The following PHACTR1 variants were observed in gnomAD, a reference collection of about 807,000 sequenced individuals.
PHACTR1 encodes the protein phosphatase and actin regulator 1, also known as RPEL repeat containing 1.
In PHACTR1, 16 loss-of-function variants were observed where a neutral mutation model predicts 69.2. The ratio of observed to expected loss-of-function variants is 0.23; its 90% CI spans 0.16 to 0.35. The LOEUF (loss-of-function observed/expected upper bound fraction) is 0.35. PHACTR1 is among the 10% of genes least tolerant of loss of function. The pLI is 1.00. For synonymous variants in PHACTR1, 312 were observed against 284.5 expected (o/e 1.10, Z -0.97); for missense variants, 510 against 734.7 (o/e 0.69, Z 3.54).
chr6:13,216,949 A>G (rs182019805), intron 8 of PHACTR1, among the ~76,000 whole-genome samples: 27 of 152,324 alleles, frequency 1.8e-4, no homozygotes, highest in African/African-American at 6.3e-4. Flanking sequence ...TGTATTTTCA[A>G]AAGAAAGGGA....
chr6:13,210,303 T>C (rs1164582546), intron 8 of PHACTR1, among the ~76,000 whole-genome samples: 1 of 152,176 alleles, frequency 6.6e-6, no homozygotes, highest in Admixed American at 6.5e-5. Context: ...GTGTAAGCCA[T>C]GGCACACACC....
At chr6:13,192,337 G>A (rs1239511178) in intron 7 of PHACTR1, among the ~76,000 whole-genome samples, 1 of 152,170 alleles carries the variant, frequency 6.6e-6, no homozygotes, top group Non-Finnish European at 1.5e-5. Context: ...GGAGGAGGAG[G>A]TTGTTCTTAA....
chr6:12,913,779 C>T (rs1786666036), intron 4 of PHACTR1, among the ~76,000 whole-genome samples: 1 of 152,150 alleles, frequency 6.6e-6, no homozygotes, highest in Non-Finnish European at 1.5e-5. Flanking sequence ...AGCGATATCC[C>T]AGGTGTTCCT....
At chr6:12,812,083 C>A (rs986509712) in intron 4 of PHACTR1, among the ~76,000 whole-genome samples, 14 of 152,086 alleles carry the variant, frequency 9.2e-5, no homozygotes, top group African/African-American at 3.4e-4. Flanking sequence ...TGTGCAGACA[C>A]CATCTCTATC....
intron 2 of PHACTR1, 66 bp from the exon 3 acceptor site, chr6:12,718,633 T>A (rs1761698980): frequency 2.3e-6 from 1 of 432,482 alleles, no homozygotes; most frequent in Admixed American, 4.1e-5. Context: ...CATTTTAAAG[T>A]ACATCTATAT....
intron 10 of PHACTR1, among the ~76,000 whole-genome samples, chr6:13,235,901 T>G (rs768114919): frequency 2.6e-5 from 4 of 152,062 alleles, no homozygotes; most frequent in Non-Finnish European, 5.9e-5. Context: ...TTGGACCAGA[T>G]GAAAGAAAAA....
chr6:12,934,455 G>A (rs7739181), intron 4 of PHACTR1, among the ~76,000 whole-genome samples: 40,434 of 152,108 alleles, frequency 0.27, 6,137 homozygotes, highest in Middle Eastern at 0.36. Context: ...TGGCTCTGGA[G>A]TGATGGTTTT....
intron 10 of PHACTR1, among the ~76,000 whole-genome samples, chr6:13,243,808 A>G (rs1562057805): frequency 1.3e-5 from 2 of 151,974 alleles, no homozygotes; most frequent in South Asian, 2.1e-4. Context: ...GTCTTTGTGT[A>G]CTCAGTGTTT....
intron 4 of PHACTR1, among the ~76,000 whole-genome samples, chr6:12,850,599 C>A (rs1171747305): frequency 3.3e-5 from 5 of 152,214 alleles, no homozygotes; most frequent in Admixed American, 3.3e-4. Context: ...GTACCAAAAT[C>A]TGAGTGGCTT....
chr6:12,827,222 A>G (rs1776904795), intron 4 of PHACTR1, among the ~76,000 whole-genome samples: 1 of 152,222 alleles, frequency 6.6e-6, no homozygotes, highest in Admixed American at 6.5e-5. Context: ...AATAGCTGCT[A>G]TAACTTCACC....
chr6:12,914,871 C>T (rs1297987908), intron 4 of PHACTR1, among the ~76,000 whole-genome samples: 1 of 152,220 alleles, frequency 6.6e-6, no homozygotes, highest in Non-Finnish European at 1.5e-5. Flanking sequence ...TTCAGGTCCA[C>T]TGGAGAAAGT....
intron 4 of PHACTR1, among the ~76,000 whole-genome samples, chr6:13,007,818 C>G (rs1305594247): frequency 1.3e-5 from 2 of 152,100 alleles, no homozygotes; most frequent in African/African-American, 4.8e-5. Context: ...ACCTCTTTCT[C>G]CACCTGTTTT....
At position 12,930,912 on chromosome 6, in the gene PHACTR1, A is replaced by G. The variant is rs143972246; in HGVS notation, c.251-122453A>G. Among the ~76,000 whole-genome samples the G allele has an allele frequency of 4.2e-3, 625 of 148,758 alleles. 3 individuals are homozygous for G. Among genetic ancestry groups the G allele is most frequent in the African/African-American group, 0.014 (582 of 40,702 alleles). On this transcript the variant is annotated intron_variant, in intron 4 of 14. Transcript: ENST00000332995. ...CTAAAAATACAAAAATTAGCTGGGC[A>G]TGGTGGCACATGCCTGTAATCCCAG...
At chr6:13,081,660 CA>C (rs1042123488) in intron 5 of PHACTR1, among the ~76,000 whole-genome samples, 4 of 151,198 alleles carry the variant, frequency 2.6e-5, no homozygotes, top group East Asian at 3.9e-4. Context: ...CCATCTCTAA[CA>C]AAAAAAAATT....
intron 4 of PHACTR1, among the ~76,000 whole-genome samples, chr6:12,995,210 A>C (rs1166669030): frequency 2.6e-5 from 4 of 152,046 alleles, no homozygotes; most frequent in African/African-American, 4.8e-5. Context: ...GGCCAGAAAC[A>C]TAAGAATATG....
chr6:13,211,345 C>T (rs1347126595), intron 8 of PHACTR1, among the ~76,000 whole-genome samples: 1 of 151,676 alleles, frequency 6.6e-6, no homozygotes, highest in Non-Finnish European at 1.5e-5. Flanking sequence ...AAAGATGATG[C>T]AGTGTTTTTA....
At chr6:13,153,024 T>TGCACAGCG (rs1757661323) in intron 5 of PHACTR1, among the ~76,000 whole-genome samples, 2 of 152,148 alleles carry the variant, frequency 1.3e-5, no homozygotes, top group Non-Finnish European at 2.9e-5. Context: ...ACTGGGAATG[T>TGCACAGCG]ACTAGCTCAT....
chr6:12,921,947 T>A (rs1453608657), intron 4 of PHACTR1, among the ~76,000 whole-genome samples: 3 of 152,082 alleles, frequency 2.0e-5, no homozygotes, highest in Non-Finnish European at 2.9e-5. Context: ...GGGCCCTTAC[T>A]CTCTCTCAGA....
chr6:12,926,638 T>C (rs1788294625), intron 4 of PHACTR1, among the ~76,000 whole-genome samples: 1 of 152,244 alleles, frequency 6.6e-6, no homozygotes. Context: ...GTCCTGAAGA[T>C]TCCGCCTTTG....
Sources: allele counts gnomAD v4.1 joint callset (sites outside exome capture counted in the v4.1 genomes callset), GRCh38; gene constraint gnomAD v4.1.1; transcripts MANE v1.5; gene names NCBI Gene and HGNC (gene_info 2026-07-23, HGNC 2026-07-21).